OSBPL8: variants seen among roughly 807,000 people sequenced by gnomAD.
OSBPL8 encodes the protein oxysterol-binding protein-related protein 8.
In OSBPL8, 59 loss-of-function variants were observed where a neutral mutation model predicts 125.5. The observed-to-expected ratio is 0.47, with a 90% confidence interval of 0.38 to 0.58. The LOEUF is 0.58. Ranked by LOEUF, OSBPL8 falls within the 20% of genes least tolerant of loss-of-function variation. The pLI is 0.00. For missense variants in OSBPL8, 758 were observed against 1,047.8 expected (o/e 0.72, Z 3.82); for synonymous variants, 330 against 338.9 (o/e 0.97, Z 0.29).
intron 15 of OSBPL8, among the ~76,000 whole-genome samples, chr12:76,383,417 A>G (rs1953147388): frequency 6.6e-6 from 1 of 151,426 alleles, no homozygotes; most frequent in Non-Finnish European, 1.5e-5. Flanking sequence ...CCAAAACCAA[A>G]CCAAAACGAA....
At chr12:76,425,878 A>G (rs1870089279) in intron 4 of OSBPL8, among the ~76,000 whole-genome samples, 1 of 152,158 alleles carries the variant, frequency 6.6e-6, no homozygotes. Flanking sequence ...AGACCCACTA[A>G]TTATCTTGCC....
chr12:76,541,444 C>T (rs1950643204), intron 1 of OSBPL8, among the ~76,000 whole-genome samples: 1 of 151,952 alleles, frequency 6.6e-6, no homozygotes, highest in Non-Finnish European at 1.5e-5. Flanking sequence ...TGCCACTGCA[C>T]TCCAGCCTGG....
At chr12:76,442,183 C>A (rs907301332) in intron 4 of OSBPL8, among the ~76,000 whole-genome samples, 25 of 152,224 alleles carry the variant, frequency 1.6e-4, no homozygotes, top group Admixed American at 4.6e-4. Context: ...AAGACAGCTG[C>A]CCCCTATCTT....
At chr12:76,447,840 C>T (rs1312201057) in intron 4 of OSBPL8, among the ~76,000 whole-genome samples, 1 of 152,202 alleles carries the variant, frequency 6.6e-6, no homozygotes, top group African/African-American at 2.4e-5. Flanking sequence ...AGCCACTGCA[C>T]CCGGTCAGCC....
chr12:76,454,146 T>C (rs1873738384), intron 3 of OSBPL8, among the ~76,000 whole-genome samples: 1 of 152,284 alleles, frequency 6.6e-6, no homozygotes, highest in South Asian at 2.1e-4. Context: ...TATATAAAAC[T>C]GAATACCCTG....
At chr12:76,484,196 T>C (rs1448728118) in intron 2 of OSBPL8, among the ~76,000 whole-genome samples, 2 of 152,214 alleles carry the variant, frequency 1.3e-5, no homozygotes, top group Non-Finnish European at 2.9e-5. Flanking sequence ...TTAATATTTT[T>C]TACTAATTAT....
intron 21 of OSBPL8, among the ~76,000 whole-genome samples, chr12:76,366,987 C>T (rs911742643): frequency 1.3e-5 from 2 of 152,114 alleles, no homozygotes; most frequent in Non-Finnish European, 2.9e-5. Flanking sequence ...GAGAATGTTC[C>T]ACGTACACTT....
intron 2 of OSBPL8, among the ~76,000 whole-genome samples, chr12:76,469,526 C>A (rs564298975): frequency 6.6e-6 from 1 of 152,178 alleles, no homozygotes; most frequent in South Asian, 2.1e-4. Context: ...CCCACAACCC[C>A]AAACGCTTAC....
chr12:76,424,321 G>A (rs192019961), intron 4 of OSBPL8, among the ~76,000 whole-genome samples: 4 of 152,058 alleles, frequency 2.6e-5, no homozygotes, highest in African/African-American at 9.7e-5. Flanking sequence ...TCTTGTATGT[G>A]ACATATTCTT....
chr12:76,403,065 G>C (rs1361279358), intron 5 of OSBPL8, among the ~76,000 whole-genome samples: 1 of 151,938 alleles, frequency 6.6e-6, no homozygotes. Flanking sequence ...TAATTATTTA[G>C]TTATTCTTAG....
intron 4 of OSBPL8, among the ~76,000 whole-genome samples, chr12:76,450,130 G>A (rs906874166): frequency 6.6e-6 from 1 of 152,158 alleles, no homozygotes; most frequent in Non-Finnish European, 1.5e-5. Flanking sequence ...AATCATGGAT[G>A]GTTTTGTCCC....
intron 2 of OSBPL8, among the ~76,000 whole-genome samples, chr12:76,474,851 C>G (rs1592747641): frequency 6.6e-6 from 1 of 152,268 alleles, no homozygotes; most frequent in Admixed American, 6.5e-5. Flanking sequence ...ATTCATCACC[C>G]AATCCCCAAG....
intron 1 of OSBPL8, among the ~76,000 whole-genome samples, chr12:76,527,249 TG>T (rs371381554): frequency 4.5e-4 from 52 of 116,596 alleles, no homozygotes; most frequent in Admixed American, 7.8e-4. Context: ...TGGGCCGGGG[TG>T]GGGGGGGATT....
chr12:76,488,540 G>C (rs1444258827), intron 1 of OSBPL8, among the ~76,000 whole-genome samples: 3 of 152,090 alleles, frequency 2.0e-5, no homozygotes, highest in Non-Finnish European at 4.4e-5. Flanking sequence ...TCATAGTTTG[G>C]TAACTCTCAA....
chr12:76,375,241 G>T, intron 17 of OSBPL8, 32 bp downstream of exon 17: 1 of 1,408,590 alleles, frequency 7.1e-7, no homozygotes, highest in Non-Finnish European at 1.0e-6. Context: ...CTCTCCTTTA[G>T]CTAGGTGATA....
intron 15 of OSBPL8, among the ~76,000 whole-genome samples, chr12:76,382,430 G>C (rs1431144636): frequency 6.6e-6 from 1 of 151,978 alleles, no homozygotes; most frequent in Non-Finnish European, 1.5e-5. Flanking sequence ...ATAATTATTT[G>C]TTGTAAGGGG....
intron 1 of OSBPL8, among the ~76,000 whole-genome samples, chr12:76,528,503 C>T (rs1470119903): frequency 6.6e-6 from 1 of 152,004 alleles, no homozygotes; most frequent in Admixed American, 6.6e-5. Flanking sequence ...ATATATAAAT[C>T]ATGCCTTGTC....
At chr12:76,423,186 A>G (rs1231144047) in intron 4 of OSBPL8, 1 of 152,252 alleles carries the variant, frequency 6.6e-6, no homozygotes. Flanking sequence ...ATTTATATCT[A>G]ATCTACAGCT....
In OSBPL8 at chr12:76,544,877, A is replaced by T. The variant is rs1259350087; in HGVS notation, c.-68+14520T>A. 3.9e-5 allele frequency among the ~76,000 whole-genome samples: 6 copies of T among 152,250 alleles called. No individual in the cohort carries two copies. In the East Asian group the frequency reaches 1.2e-3, roughly 29 times the overall value. On this transcript the variant is annotated intron_variant, in intron 1 of 23. Transcript: ENST00000261183. ...ACAGGAATAATTCCATCTGTAAAAC[A>T]GTTAGAATACCATCTATTTATTTCA...
Sources: allele counts gnomAD v4.1 joint callset (sites outside exome capture counted in the v4.1 genomes callset), GRCh38; gene constraint gnomAD v4.1.1; transcripts MANE v1.5; gene names NCBI Gene and HGNC (gene_info 2026-07-23, HGNC 2026-07-21).